The following SPG11 variants were observed in gnomAD, a reference collection of about 807,000 sequenced individuals.
The protein encoded by SPG11 is spatacsin.
A neutral mutation model predicts 274.0 loss-of-function variants in SPG11; 222 were observed. That is an observed-to-expected ratio of 0.81 (90% CI 0.73 to 0.91). The LOEUF is 0.91. Among genes scored for constraint, SPG11 ranks in the 40% least tolerant of loss-of-function variants. The probability of loss-of-function intolerance (pLI) is 0.00; values close to 1 mark genes in which losing one functional copy is unlikely to be tolerated. For synonymous variants in SPG11, 1,144 were observed against 1,039.7 expected (o/e 1.10, Z -1.93); for missense variants, 3,114 against 2,872.7 (o/e 1.08, Z -1.92).
At chr15:44,657,400 G>A in intron 3 of SPG11, 104 bp from the exon 4 acceptor site, 1 of 1,058,036 alleles carries the variant, frequency 9.5e-7, no homozygotes, top group East Asian at 2.5e-5. Flanking sequence ...CAATTTTGTA[G>A]GTATAACAGA....
chr15:44,569,075 C>A (rs2140919958), intron 35 of SPG11, among the ~76,000 whole-genome samples: 1 of 149,516 alleles, frequency 6.7e-6, no homozygotes, highest in South Asian at 2.1e-4. Context: ...GAGGCTGAGA[C>A]AGGAGAATCA....
intron 3 of SPG11, among the ~76,000 whole-genome samples, chr15:44,658,665 T>G (rs982502858): frequency 4.6e-5 from 7 of 152,118 alleles, no homozygotes; most frequent in Non-Finnish European, 7.3e-5. Context: ...TTCACCATAT[T>G]GGCCAGGCTG....
At chr15:44,641,584 C>T (rs1238498410) in intron 7 of SPG11, among the ~76,000 whole-genome samples, 1 of 134,238 alleles carries the variant, frequency 7.4e-6, no homozygotes, top group East Asian at 2.3e-4. Flanking sequence ...ATCCAAATAT[C>T]TTACACACAC....
rs986634457 is a variant in SPG11 at position 44,642,928 on chromosome 15, T to C, written c.1602+5938A>G. 6.6e-5 allele frequency among the ~76,000 whole-genome samples: 10 copies of C among 152,102 alleles called. No homozygotes were observed. In the East Asian group the frequency reaches 1.5e-3, roughly 23 times the overall value. ...TGGTTAATTCTGAGGCCAGGCAAGGTAAGGGAATAGGATCAGGGCAGGGCA... is the reference window on the plus strand; with the variant it reads ...TGGTTAATTCTGAGGCCAGGCAAGGCAAGGGAATAGGATCAGGGCAGGGCA... On this transcript the variant is annotated intron_variant, in intron 7 of 39. Coordinates refer to ENST00000261866, the MANE Select transcript of SPG11 (RefSeq NM_025137.4).
chr15:44,623,034 G>A (rs2083797711), intron 11 of SPG11, among the ~76,000 whole-genome samples: 1 of 151,892 alleles, frequency 6.6e-6, no homozygotes, highest in African/African-American at 2.4e-5. Context: ...CTGCAGCCTC[G>A]ACCCCCAGGC....
intron 4 of SPG11, among the ~76,000 whole-genome samples, 167 bp downstream of exon 4, chr15:44,656,928 G>A (rs907086854): frequency 2.0e-5 from 3 of 151,878 alleles, no homozygotes; most frequent in Non-Finnish European, 2.9e-5. Flanking sequence ...CCAGTGGTCA[G>A]TTATACATAT....
At chr15:44,565,698 C>G (rs1351050299) in intron 38 of SPG11, among the ~76,000 whole-genome samples, 156 bp downstream of exon 38, 1 of 152,192 alleles carries the variant, frequency 6.6e-6, no homozygotes, top group Non-Finnish European at 1.5e-5. Flanking sequence ...AGAAATACAT[C>G]AAATTGCCGT....
Position 44,566,308 on chromosome 15 carries a change from G to T in SPG11, c.6755-3C>A, listed in dbSNP as rs1177654504. ...GTGCCCATCCTTGAGGCTGTCCTCT[G>T]TAGGGGAAATAAAGAAGATTTGCCG... On this transcript the variant is annotated splice_region_variant and splice_polypyrimidine_tract_variant and intron_variant, in intron 36 of 39. Transcript: ENST00000261866. The T allele has an allele frequency of 6.2e-7, 1 of 1,613,736 alleles. No individual in the cohort carries two copies. Among genetic ancestry groups the T allele is most frequent in the Non-Finnish European group, 8.5e-7 (1 of 1,179,890 alleles).
chr15:44,652,037 A>G (rs2084797481), intron 5 of SPG11, 92 bp downstream of exon 5: 1 of 1,561,910 alleles, frequency 6.4e-7, no homozygotes, highest in African/African-American at 1.4e-5. Flanking sequence ...AAAAAAAAGT[A>G]TCTATCAAAT....
chr15:44,637,042 G>A (rs556369921), intron 7 of SPG11, among the ~76,000 whole-genome samples: 1 of 138,252 alleles, frequency 7.2e-6, no homozygotes, highest in Non-Finnish European at 1.5e-5. Context: ...ACTAATTTTT[G>A]AAGTTTTTCT....
chr15:44,651,911 T>A lies in SPG11; in HGVS notation c.1036A>T (p.Asn346Tyr). The A allele has an allele frequency of 6.2e-7, 1 of 1,612,210 alleles. No individual in the cohort carries two copies. The stretch of plus-strand genomic sequence containing the variant: ...AGTTTGGAGTTCTTTATTGTTTCAT[T>A]CAATGATGATAGCTGGGCTTTCCAA... Reference protein sequence around the residue: ...RSWKAQLSSLNETIKNSKLEV... With the variant: ...RSWKAQLSSLYETIKNSKLEV... The change falls in exon 6 of 40, where the codon AAT becomes TAT. Residue 346 changes from asparagine to tyrosine, a missense_variant. By Grantham distance (143) the Asn-to-Tyr change is moderately radical (BLOSUM62 -2). Transcript: ENST00000261866.
At chr15:44,572,436 A>T (rs746938969) in intron 33 of SPG11, 59 of 494,044 alleles carry the variant, frequency 1.2e-4, no homozygotes, top group Non-Finnish European at 2.0e-4. Flanking sequence ...AGGGCAATAT[A>T]AGAGTGAAAT....
chr15:44,657,347 A>T, intron 3 of SPG11, 51 bp from the exon 4 acceptor site: 14 of 1,542,464 alleles, frequency 9.1e-6, no homozygotes, highest in Non-Finnish European at 1.3e-5. Flanking sequence ...ATGCCTAACT[A>T]TTTAAAGCAC....
Position 44,584,346 on chromosome 15 carries a change from C to A in SPG11, c.5334G>T (p.Leu1778Phe). 3 of 1,610,940 alleles carry A rather than the reference C, an allele frequency of 1.9e-6. No homozygotes were observed. Among genetic ancestry groups the A allele is most frequent in the Non-Finnish European group, 2.5e-6 (3 of 1,177,842 alleles). The stretch of plus-strand genomic sequence containing the variant: ...CCTCCTGGGCAAGCCAGTGCCCTGC[C>A]AAGGTGAGCAGCAGATGGCGCTCCT... ...SMEERHLLLTLAGHWLAQEDV... is the reference protein window; with the variant it reads ...SMEERHLLLTFAGHWLAQEDV... Residue 1778 changes from leucine (L) to phenylalanine (F), a missense_variant, in exon 30 of 40, where the codon TTG becomes TTT. Coordinates refer to ENST00000261866, the MANE Select transcript of SPG11 (RefSeq NM_025137.4).
chr15:44,604,198 C>CT (rs1423759739), intron 20 of SPG11: 8 of 398,466 alleles, frequency 2.0e-5, no homozygotes, highest in African/African-American at 1.3e-4. Context: ...GACCTGATTC[C>CT]TAAAAAAAAA....
chr15:44,596,775 G>C lies in SPG11; in HGVS notation c.4161+9C>G, dbSNP rs1555451101. On this transcript the variant is annotated intron_variant, in intron 24 of 39. Transcript: ENST00000261866. Reference sequence around the variant, plus strand: ...CCTTTTGAGTGACTGCTAACAATTAGTGGCTTACCTCTGCTGGGTGGTAGT... The same window carrying C: ...CCTTTTGAGTGACTGCTAACAATTACTGGCTTACCTCTGCTGGGTGGTAGT... The C allele has an allele frequency of 4.5e-6, 7 of 1,544,444 alleles. No homozygotes were observed. The highest frequency in any genetic ancestry group is 5.3e-6 in the Non-Finnish European group (6 of 1,136,196).
At chr15:44,589,860 C>T (rs2082859588) in intron 27 of SPG11, among the ~76,000 whole-genome samples, 1 of 152,224 alleles carries the variant, frequency 6.6e-6, no homozygotes, top group African/African-American at 2.4e-5. Flanking sequence ...GGCTGGAGTA[C>T]AGTGGTGCAA....
Position 44,621,867 on chromosome 15 carries a change from A to T in SPG11, c.2512T>A (p.Cys838Ser). Residue 838 changes from cysteine to serine, a missense_variant, in exon 14 of 40, where the codon TGT becomes AGT. Transcript: ENST00000261866. ...SVLDSFLKYD[C>S]KDEFNKQDHR... ...TCCTGTTTGTTAAATTCATCTTTAC[A>T]ATCATATTTCAGGAATGAGTCCAAA... 1 of 1,613,942 alleles carries T rather than the reference A, an allele frequency of 6.2e-7. No homozygotes were observed. The highest frequency in any genetic ancestry group is 8.5e-7 in the Non-Finnish European group (1 of 1,179,902).
chr15:44,570,408 G>A, intron 34 of SPG11, 117 bp downstream of exon 34: 1 of 1,286,178 alleles, frequency 7.8e-7, no homozygotes, highest in East Asian at 2.5e-5. Flanking sequence ...AGTAGGTAGT[G>A]GTATCCAGAT....
Sources: allele counts gnomAD v4.1 joint callset (sites outside exome capture counted in the v4.1 genomes callset), GRCh38; gene constraint gnomAD v4.1.1; transcripts MANE v1.5; gene names NCBI Gene and HGNC (gene_info 2026-07-23, HGNC 2026-07-21).